The following NTM variants were observed in gnomAD, a reference collection of about 807,000 sequenced individuals.
The protein encoded by NTM is neurotrimin.
NTM carries 13 observed loss-of-function variants against 42.1 expected under a neutral mutation model. That is an observed-to-expected ratio of 0.31 (90% CI 0.20 to 0.49). The LOEUF (loss-of-function observed/expected upper bound fraction) is 0.49. Ranked by LOEUF, NTM falls within the 20% of genes least tolerant of loss-of-function variation. The probability of loss-of-function intolerance (pLI) is 0.99; values close to 1 mark genes in which losing one functional copy is unlikely to be tolerated. For synonymous variants in NTM, 187 were observed against 179.2 expected (o/e 1.04, Z -0.35); for missense variants, 373 against 452.8 (o/e 0.82, Z 1.60).
intron 1 of NTM, among the ~76,000 whole-genome samples, chr11:131,635,855 T>G (rs2064302048): frequency 6.6e-6 from 1 of 152,188 alleles, no homozygotes; most frequent in South Asian, 2.1e-4. Context: ...GTTTTTCTTT[T>G]ATACTCTATT....
intron 4 of NTM, among the ~76,000 whole-genome samples, chr11:132,268,415 A>G (rs958391983): frequency 2.6e-5 from 4 of 152,244 alleles, no homozygotes; most frequent in African/African-American, 9.6e-5. Flanking sequence ...TGAATAGTTC[A>G]GTCAAAATTT....
At chr11:132,320,961 G>C (rs575860926) in intron 7 of NTM, among the ~76,000 whole-genome samples, 254 of 151,030 alleles carry the variant, frequency 1.7e-3, no homozygotes, top group Non-Finnish European at 3.0e-3. Context: ...CTGCAGCTGA[G>C]GGTCCTGTCT....
chr11:131,721,314 A>T (rs183679946), intron 1 of NTM, among the ~76,000 whole-genome samples: 346 of 152,256 alleles, frequency 2.3e-3, no homozygotes, highest in African/African-American at 7.6e-3. Flanking sequence ...TGTCAAGAAG[A>T]TATGGGATAA....
chr11:132,233,169 C>T (rs1198125973), intron 4 of NTM, among the ~76,000 whole-genome samples: 5 of 152,174 alleles, frequency 3.3e-5, no homozygotes, highest in African/African-American at 1.2e-4. Flanking sequence ...GTAATCCCAG[C>T]ACTTTGGGAG....
intron 1 of NTM, among the ~76,000 whole-genome samples, chr11:131,504,551 A>G (rs1195925283): frequency 6.6e-6 from 1 of 152,084 alleles, no homozygotes; most frequent in Non-Finnish European, 1.5e-5. Context: ...TTTGGAGTCC[A>G]TTTCACACAG....
chr11:132,304,639 C>T (rs578094193), intron 4 of NTM, among the ~76,000 whole-genome samples: 8 of 152,252 alleles, frequency 5.3e-5, no homozygotes, highest in Non-Finnish European at 1.0e-4. Flanking sequence ...TGTAAACTGA[C>T]CAACTTTCTC....
At chr11:131,796,921 G>A (rs1375009861) in intron 1 of NTM, among the ~76,000 whole-genome samples, 1 of 152,160 alleles carries the variant, frequency 6.6e-6, no homozygotes, top group Non-Finnish European at 1.5e-5. Context: ...ATAGTCAAAA[G>A]TGATCCTGAG....
intron 1 of NTM, among the ~76,000 whole-genome samples, chr11:131,877,233 C>T (rs2048671147): frequency 6.6e-6 from 1 of 152,176 alleles, no homozygotes; most frequent in Non-Finnish European, 1.5e-5. Flanking sequence ...GCAGCAGCCA[C>T]TCTTTGGGAC....
rs533538138 is a variant in NTM at position 131,818,272 on chromosome 11, C to T, written c.83-93292C>T. Reference sequence around the variant, plus strand: ...GGCCTGCCTCATTTCAACCCAGACTCGCTCCCATTGACTTTGGGAAATAGG... The same window carrying T: ...GGCCTGCCTCATTTCAACCCAGACTTGCTCCCATTGACTTTGGGAAATAGG... On this transcript the variant is annotated intron_variant, in intron 1 of 8. Transcript: ENST00000683400. Among the ~76,000 whole-genome samples the T allele has an allele frequency of 4.6e-5, 7 of 152,220 alleles. No homozygotes were observed. The East Asian group carries it at 1.2e-3, about 25-fold the overall frequency.
chr11:131,764,112 A>G (rs1023281918), intron 1 of NTM, among the ~76,000 whole-genome samples: 1 of 152,156 alleles, frequency 6.6e-6, no homozygotes, highest in African/African-American at 2.4e-5. Flanking sequence ...TAGCATTAAT[A>G]TTAATATTAA....
intron 3 of NTM, among the ~76,000 whole-genome samples, chr11:132,152,788 A>G (rs1464783511): frequency 1.3e-5 from 2 of 152,198 alleles, no homozygotes; most frequent in Non-Finnish European, 2.9e-5. Context: ...CTGCTAAGCC[A>G]AGTAGGGCAA....
In NTM at chr11:131,520,579, A is replaced by G. The variant is rs556439104; in HGVS notation, c.82+149691A>G. Among the ~76,000 whole-genome samples, 35 of 152,264 alleles carry G rather than the reference A, an allele frequency of 2.3e-4. No homozygotes were observed. The South Asian group carries it at 6.6e-3, about 29-fold the overall frequency. On this transcript the variant is annotated intron_variant, in intron 1 of 8. Coordinates refer to ENST00000683400, the MANE Select transcript of NTM (RefSeq NM_001352005.2). ...CTTAGATCTTGACCCTTTCTTAGAA[A>G]CTTGGGGAGCAGGAAGAGCTTTTTA...
At chr11:131,620,987 G>A (rs1330100112) in intron 1 of NTM, among the ~76,000 whole-genome samples, 2 of 152,152 alleles carry the variant, frequency 1.3e-5, no homozygotes, top group Non-Finnish European at 2.9e-5. Context: ...TGCAGCACTA[G>A]CCACTAACTA....
At chr11:132,263,813 G>A (rs1369812979) in intron 4 of NTM, among the ~76,000 whole-genome samples, 1 of 152,148 alleles carries the variant, frequency 6.6e-6, no homozygotes, top group Non-Finnish European at 1.5e-5. Context: ...TTACAACAAG[G>A]ATTACCTTTC....
intron 1 of NTM, among the ~76,000 whole-genome samples, chr11:131,401,484 C>T (rs572359386): frequency 1.1e-4 from 16 of 151,738 alleles, no homozygotes; most frequent in African/African-American, 3.6e-4. Context: ...TTGTTATAAG[C>T]GTAAGTGCAG....
chr11:132,289,815 C>T (rs1460011965), intron 4 of NTM, among the ~76,000 whole-genome samples: 2 of 152,192 alleles, frequency 1.3e-5, no homozygotes, highest in African/African-American at 4.8e-5. Flanking sequence ...TACCTCAGGG[C>T]AGGGTCGAGG....
At chr11:131,636,926 T>A (rs1197177911) in intron 1 of NTM, among the ~76,000 whole-genome samples, 3 of 152,174 alleles carry the variant, frequency 2.0e-5, no homozygotes, top group Admixed American at 2.0e-4. Flanking sequence ...TTAGTGTTGC[T>A]TTTTTCATGG....
intron 1 of NTM, among the ~76,000 whole-genome samples, chr11:131,874,654 G>A (rs1452624236): frequency 2.6e-5 from 4 of 152,204 alleles, no homozygotes; most frequent in East Asian, 1.9e-4. Flanking sequence ...TGTCTTTTGC[G>A]TAGATCTATC....
intron 1 of NTM, among the ~76,000 whole-genome samples, chr11:131,832,898 A>G (rs1430596868): frequency 6.6e-6 from 1 of 152,234 alleles, no homozygotes. Context: ...TTAAAATATA[A>G]TTTAGGCTGC....
Sources: allele counts gnomAD v4.1 joint callset (sites outside exome capture counted in the v4.1 genomes callset), GRCh38; gene constraint gnomAD v4.1.1; transcripts MANE v1.5; gene names NCBI Gene and HGNC (gene_info 2026-07-23, HGNC 2026-07-21).